The following METAP1D variants were observed in gnomAD, a reference collection of about 807,000 sequenced individuals.
METAP1D encodes methionine aminopeptidase 1D, mitochondrial.
A neutral mutation model predicts 40.5 loss-of-function variants in METAP1D; 31 were observed. The observed-to-expected ratio is 0.77, with a 90% CI of 0.58 to 1.03. The LOEUF (loss-of-function observed/expected upper bound fraction) is 1.03. METAP1D is among the 50% of genes least tolerant of loss of function. The pLI, the probability that METAP1D is intolerant of heterozygous loss-of-function variation, is 0.00. For synonymous variants in METAP1D, 151 were observed against 146.4 expected, an observed-to-expected ratio of 1.03 and a Z score of -0.22; for missense variants, 411 against 420.7, an observed-to-expected ratio of 0.98 and a Z score of 0.20.
chr2:172,005,138 GTTTT>G (rs1688549626), intron 1 of METAP1D, among the ~76,000 whole-genome samples: 2 of 151,954 alleles, frequency 1.3e-5, no homozygotes, highest in Non-Finnish European at 1.5e-5. Flanking sequence ...CTGTGAAACA[GTTTT>G]CTTTCTTTCT....
chr2:172,008,665 G>A (rs770996478), intron 1 of METAP1D, among the ~76,000 whole-genome samples: 4 of 151,300 alleles, frequency 2.6e-5, no homozygotes, highest in Non-Finnish European at 5.9e-5. Flanking sequence ...ACAATATACT[G>A]TAATAAAAGT....
At chr2:172,048,214 C>T (rs768812528) in intron 1 of METAP1D, among the ~76,000 whole-genome samples, 7 of 152,140 alleles carry the variant, frequency 4.6e-5, no homozygotes, top group Non-Finnish European at 5.9e-5. Flanking sequence ...AACCTAGGAT[C>T]TCATGATTAC....
chr2:172,029,619 C>G (rs964052825), intron 1 of METAP1D, among the ~76,000 whole-genome samples: 1 of 152,098 alleles, frequency 6.6e-6, no homozygotes, highest in Non-Finnish European at 1.5e-5. Flanking sequence ...ATAACATGAG[C>G]ATCTGTGGTG....
In METAP1D at chr2:172,024,741, A is replaced by G. The variant is rs569365081; in HGVS notation, c.40+24732A>G. 3.1e-5 allele frequency among the ~76,000 whole-genome samples: 3 copies of G among 95,722 alleles called. No individual in the cohort carries two copies. In the East Asian group the frequency reaches 7.3e-4, roughly 23 times the overall value. The allele number at this position is 95,722 out of a possible 152,430, so 62.8% of individuals were successfully genotyped here. ...CTGATAAAGCCTCCTTTTTAAAGAC[A>G]TATAGATTGTGTGTGTGTGTGTGTG... On this transcript the variant is annotated intron_variant, in intron 1 of 9. Coordinates refer to ENST00000315796, the MANE Select transcript of METAP1D (RefSeq NM_199227.3).
intron 1 of METAP1D, among the ~76,000 whole-genome samples, chr2:172,045,803 G>A (rs13003039): frequency 1.1e-4 from 2 of 17,662 alleles, no homozygotes; most frequent in African/African-American, 3.3e-4. Context: ...ATATATGTGT[G>A]TGTGTGTGTG....
chr2:172,043,463 G>GT lies in METAP1D; in HGVS notation c.41-18034dup, dbSNP rs1161434320. ...GACTCACTAACCTCCAATGGAGAAAGTGTGTGAGTCTGCATGTATGTTTGA... is the reference window on the plus strand; with the variant it reads ...GACTCACTAACCTCCAATGGAGAAAGTTGTGTGAGTCTGCATGTATGTTTGA... On this transcript the variant is annotated intron_variant, in intron 1 of 9. Coordinates refer to ENST00000315796, the MANE Select transcript of METAP1D (RefSeq NM_199227.3). 3.0e-5 allele frequency among the ~76,000 whole-genome samples: 4 copies of GT among 133,544 alleles called. 1 individual carries two copies. Among genetic ancestry groups the GT allele is most frequent in the African/African-American group, 1.0e-4 (4 of 39,410 alleles). The allele number at this position is 133,544 out of a possible 152,430, so 87.6% of individuals were successfully genotyped here.
At chr2:172,040,711 C>T (rs1194204460) in intron 1 of METAP1D, among the ~76,000 whole-genome samples, 12 of 148,424 alleles carry the variant, frequency 8.1e-5, no homozygotes, top group Admixed American at 2.0e-4. Context: ...ATATCGTAAT[C>T]GATTGTGCTA....
At chr2:172,077,972 GACTT>G in intron 7 of METAP1D, 78 bp downstream of exon 7, 1 of 633,376 alleles carries the variant, frequency 1.6e-6, no homozygotes, top group African/African-American at 1.9e-5. Context: ...CTCTTCCTCT[GACTT>G]TGAATCTGCA....
intron 1 of METAP1D, among the ~76,000 whole-genome samples, chr2:172,041,835 C>T (rs1689541314): frequency 9.7e-6 from 1 of 102,920 alleles, no homozygotes; most frequent in South Asian, 3.3e-4. Context: ...GAGTCTTACT[C>T]TGTTTCCCAG....
In METAP1D at chr2:172,054,295, G is replaced by A. The variant is rs185518935; in HGVS notation, c.41-7203G>A. 2.3e-3 allele frequency among the ~76,000 whole-genome samples: 351 copies of A among 152,232 alleles called. 3 individuals carry two copies. The East Asian group carries it at 0.033, about 14-fold the overall frequency. ...CCAGCACTTTGGGAGGCCGAGGTGGGCGGATCACGAGGTCAGGAGATCGAG... is the reference window on the plus strand; with the variant it reads ...CCAGCACTTTGGGAGGCCGAGGTGGACGGATCACGAGGTCAGGAGATCGAG... On this transcript the variant is annotated intron_variant, in intron 1 of 9. Coordinates refer to ENST00000315796, the MANE Select transcript of METAP1D (RefSeq NM_199227.3).
At chr2:172,002,373 C>A (rs904795129) in intron 1 of METAP1D, among the ~76,000 whole-genome samples, 1 of 151,964 alleles carries the variant, frequency 6.6e-6, no homozygotes, top group Non-Finnish European at 1.5e-5. Context: ...TACTTTGCAC[C>A]AACTGTATAT....
intron 3 of METAP1D, chr2:172,064,269 A>G (rs1364250262): frequency 6.3e-6 from 1 of 158,662 alleles, no homozygotes; most frequent in African/African-American, 2.4e-5. Flanking sequence ...ATTTTCTTGC[A>G]TTTGCCCTGC....
At chr2:172,028,809 G>A (rs1170775884) in intron 1 of METAP1D, among the ~76,000 whole-genome samples, 2 of 152,106 alleles carry the variant, frequency 1.3e-5, no homozygotes, top group Non-Finnish European at 2.9e-5. Context: ...TTTAATGTCT[G>A]TTATACCTAT....
At chr2:172,067,531 G>A (rs534820700) in intron 5 of METAP1D, among the ~76,000 whole-genome samples, 107 of 152,250 alleles carry the variant, frequency 7.0e-4, no homozygotes, top group African/African-American at 2.5e-3. Flanking sequence ...GTGGAAGGAG[G>A]TATTTTATGA....
chr2:172,046,773 C>T (rs905873660), intron 1 of METAP1D, among the ~76,000 whole-genome samples: 10 of 152,168 alleles, frequency 6.6e-5, no homozygotes, highest in Non-Finnish European at 1.3e-4. Flanking sequence ...TTTCATTAAA[C>T]GGTCTCCGCA....
chr2:172,017,604 G>C (rs1688905662), intron 1 of METAP1D, among the ~76,000 whole-genome samples: 1 of 151,834 alleles, frequency 6.6e-6, no homozygotes, highest in South Asian at 2.1e-4. Flanking sequence ...GGAAAAATTA[G>C]GAATATGGAC....
At position 172,071,081 on chromosome 2, in the gene METAP1D, C is replaced by T. The variant is rs1690412548; in HGVS notation, c.704+11C>T. On this transcript the variant is annotated intron_variant, in intron 6 of 9. Coordinates refer to ENST00000315796, the MANE Select transcript of METAP1D (RefSeq NM_199227.3). ...TGGAAACACAATCAGGTAAGCCTTA[C>T]ATTGACAAGTAAAGGGAGGGTTGGC... is the stretch of plus-strand genomic sequence containing the variant. 2 of 1,595,594 alleles carry T rather than the reference C, an allele frequency of 1.3e-6. No individual in the cohort carries two copies. Among genetic ancestry groups the T allele is most frequent in the African/African-American group, 1.3e-5 (1 of 74,086 alleles).
chr2:172,042,940 C>A lies in METAP1D; in HGVS notation c.41-18558C>A, dbSNP rs1046929508. On this transcript the variant is annotated intron_variant, in intron 1 of 9. Coordinates refer to ENST00000315796, the MANE Select transcript of METAP1D (RefSeq NM_199227.3). ...ACATATATGCGTACATGTGTATACA[C>A]GTATGCGTACCTGTGTATATATATG... Among the ~76,000 whole-genome samples, 14 of 126,380 alleles carry A rather than the reference C, an allele frequency of 1.1e-4. 2 individuals are homozygous for A. Among genetic ancestry groups the A allele is most frequent in the African/African-American group, 3.7e-4 (14 of 37,954 alleles). The allele number at this position is 126,380 out of a possible 152,430, so 82.9% of individuals were successfully genotyped here. A position where few individuals can be genotyped will look rare whatever the true frequency, so the allele number is the denominator to read the frequency against.
At chr2:172,028,542 C>CTGTGTGTGTG (rs10529698) in intron 1 of METAP1D, among the ~76,000 whole-genome samples, 10 of 141,404 alleles carry the variant, frequency 7.1e-5, no homozygotes, top group East Asian at 4.1e-4. Context: ...GTATGTGTGT[C>CTGTGTGTGTG]TGTGTGTGTG....
Sources: gnomAD v4.1 joint callset for allele counts (sites outside exome capture counted in the v4.1 genomes callset) on GRCh38, gnomAD v4.1.1 for gene constraint, MANE v1.5 for transcripts, NCBI Gene and HGNC (gene_info 2026-07-23, HGNC 2026-07-21) for gene names.